SPRY3: variants seen among roughly 807,000 people sequenced by gnomAD.
SPRY3 encodes the protein sprouty RTK signaling antagonist 3, also known as protein sprouty homolog 3.
A neutral mutation model predicts 20.2 loss-of-function variants in SPRY3; 15 were observed. That is an observed-to-expected ratio of 0.74 (90% CI 0.50 to 1.14). The LOEUF is 1.14. SPRY3 is among the 50% of genes most tolerant of loss of function. The pLI is 0.00. For missense variants in SPRY3, 364 were observed against 363.9 expected, an observed-to-expected ratio of 1.00 and a Z score of 0.00; for synonymous variants, 143 against 136.5, an observed-to-expected ratio of 1.05 and a Z score of -0.33.
At chrX:155,776,318 T>C (rs1447736330) in exon 4 of SPRY3, 1 of 167,094 alleles carries the variant, frequency 6.0e-6, no homozygotes, top group African/African-American at 2.4e-5. Context: ...TCTTCGCCAT[T>C]GCATCTACTC....
chrX:155,716,283 T>C (rs957851694), intron 2 of SPRY3, among the ~76,000 whole-genome samples: 2 of 152,202 alleles, frequency 1.3e-5, no homozygotes, highest in African/African-American at 4.8e-5. Context: ...GTTTTTCTTT[T>C]GGGAATCATA....
At chrX:155,620,030 C>G (rs998428921) in intron 1 of SPRY3, among the ~76,000 whole-genome samples, 1 of 111,879 alleles carries the variant, frequency 8.9e-6, no homozygotes, top group Non-Finnish European at 1.9e-5. Context: ...AAGAATGATA[C>G]TACCAAGTGT....
chrX:155,722,074 G>GTT (rs1446286622), intron 2 of SPRY3, among the ~76,000 whole-genome samples: 1 of 152,108 alleles, frequency 6.6e-6, no homozygotes, highest in Non-Finnish European at 1.5e-5. Flanking sequence ...CGGGAACAAA[G>GTT]TTAAGGTATA....
Position 155,774,768 on chromosome X carries a change from C to G in SPRY3, c.*30C>G, listed in dbSNP as rs766238087. The stretch of plus-strand genomic sequence containing the variant: ...CCAACAAGGTGGATCCAGAGCTTTT[C>G]TCCTTCGAGTCCCCAACAGCAAAGC... On this transcript the variant is annotated 3_prime_UTR_variant, in exon 4 of 4. Transcript: ENST00000675360. The G allele has an allele frequency of 6.9e-6, 11 of 1,583,856 alleles. No individual in the cohort carries two copies. In the African/African-American group the frequency reaches 1.1e-4, roughly 16 times the overall value.
chrX:155,753,158 A>ATATTCTCAACG (rs1230137880), intron 2 of SPRY3, among the ~76,000 whole-genome samples: 2 of 151,884 alleles, frequency 1.3e-5, no homozygotes, highest in Non-Finnish European at 2.9e-5. Context: ...AGTTTTTAGT[A>ATATTCTCAACG]TATTCTCAAC....
intron 2 of SPRY3, among the ~76,000 whole-genome samples, chrX:155,710,085 C>G (rs1054345130): frequency 6.6e-5 from 10 of 151,682 alleles, no homozygotes; most frequent in African/African-American, 2.4e-4. Context: ...AATTTGAAGT[C>G]AGGTAATATA....
intron 2 of SPRY3, among the ~76,000 whole-genome samples, chrX:155,717,154 CAAA>C (rs1178558140): frequency 8.2e-6 from 1 of 122,460 alleles, no homozygotes; most frequent in Non-Finnish European, 1.8e-5. Context: ...GTGAGACTGT[CAAA>C]AAAAAAAAAA....
At chrX:155,641,714 T>C (rs1433036679) in intron 1 of SPRY3, among the ~76,000 whole-genome samples, 1 of 115,097 alleles carries the variant, frequency 8.7e-6, no homozygotes, top group East Asian at 2.7e-4. Flanking sequence ...TTTATGACCT[T>C]GCAGCGGCAT....
At chrX:155,659,538 G>A (rs1315473932) in intron 2 of SPRY3, among the ~76,000 whole-genome samples, 1 of 111,081 alleles carries the variant, frequency 9.0e-6, no homozygotes, top group Non-Finnish European at 1.9e-5. Context: ...TTTGGTGTCA[G>A]GGTGATGATG....
rs1247905119 is a variant in SPRY3 at position 155,740,947 on chromosome X, T to G, written c.-281-27015T>G. Among the ~76,000 whole-genome samples, 3 of 152,280 alleles carry G rather than the reference T, an allele frequency of 2.0e-5. No individual in the cohort carries two copies. In the East Asian group the frequency reaches 5.8e-4, roughly 29 times the overall value. On this transcript the variant is annotated intron_variant, in intron 2 of 3. Coordinates refer to ENST00000675360, the Ensembl canonical transcript of SPRY3. ...AGGCCCAGCTGTAAAATTCCTCTGT[T>G]TGTACTCTTTCTCTTTATTTCTCAG...
intron 2 of SPRY3, among the ~76,000 whole-genome samples, chrX:155,710,719 T>C (rs1446712773): frequency 6.6e-6 from 1 of 151,754 alleles, no homozygotes; most frequent in East Asian, 1.9e-4. Context: ...GTGGCAAAAA[T>C]AAGCATCCTT....
chrX:155,740,949 G>T (rs1257458399), intron 2 of SPRY3, among the ~76,000 whole-genome samples: 6 of 152,088 alleles, frequency 3.9e-5, no homozygotes, highest in Admixed American at 3.3e-4. Context: ...TCCTCTGTTT[G>T]TACTCTTTCT....
At chrX:155,757,937 C>A (rs999775380) in intron 2 of SPRY3, among the ~76,000 whole-genome samples, 1 of 152,194 alleles carries the variant, frequency 6.6e-6, no homozygotes, top group Admixed American at 6.5e-5. Flanking sequence ...TTTTCTTCAT[C>A]CACACAGTCC....
chrX:155,719,543 T>C (rs1401985119), intron 2 of SPRY3, among the ~76,000 whole-genome samples: 2 of 151,746 alleles, frequency 1.3e-5, no homozygotes, highest in Non-Finnish European at 2.9e-5. Context: ...GGCTGCACAG[T>C]TGACAGCTCC....
At chrX:155,716,136 T>A (rs185953703) in intron 2 of SPRY3, among the ~76,000 whole-genome samples, 39 of 152,326 alleles carry the variant, frequency 2.6e-4, no homozygotes, top group Admixed American at 4.6e-4. Flanking sequence ...TAGGCTTCTA[T>A]TCCACAATCT....
At chrX:155,698,193 G>GA (rs1311648021) in intron 2 of SPRY3, among the ~76,000 whole-genome samples, 2 of 110,935 alleles carry the variant, frequency 1.8e-5, no homozygotes, top group Non-Finnish European at 3.8e-5. Context: ...CCTTTATCAA[G>GA]AAAAAAACAA....
chrX:155,720,485 C>T (rs1388919729), intron 2 of SPRY3, among the ~76,000 whole-genome samples: 1 of 152,124 alleles, frequency 6.6e-6, no homozygotes, highest in Non-Finnish European at 1.5e-5. Context: ...TATAGCAGGC[C>T]TTGGTCAAGA....
At position 155,671,388 on chromosome X, in the gene SPRY3, T is replaced by A. The variant is rs2068040059; in HGVS notation, c.-282+14363T>A. On this transcript the variant is annotated intron_variant, in intron 2 of 3. Coordinates refer to ENST00000675360, the Ensembl canonical transcript of SPRY3. ...ATTGCTTCTCCCAATGTCCAGGGGATGGGGGTATCTTGAGAGTTGGTATTT... is the reference window on the plus strand; with the variant it reads ...ATTGCTTCTCCCAATGTCCAGGGGAAGGGGGTATCTTGAGAGTTGGTATTT... Among the ~76,000 whole-genome samples the A allele has an allele frequency of 5.4e-5, 6 of 110,432 alleles. No homozygotes were observed. The Admixed American group carries it at 5.8e-4, about 11-fold the overall frequency.
rs866631159 is a variant in SPRY3 at position 155,761,731 on chromosome X, A to G, written c.-281-6231A>G. 3.6e-5 allele frequency among the ~76,000 whole-genome samples: 4 copies of G among 111,064 alleles called. No individual in the cohort carries two copies. The East Asian group carries it at 9.6e-4, about 27-fold the overall frequency. 72.9% of individuals were successfully genotyped at this position (111,064 alleles called of 152,430 possible). On this transcript the variant is annotated intron_variant, in intron 2 of 3. Coordinates refer to ENST00000675360, the Ensembl canonical transcript of SPRY3. ...CAGCACCTATTTTTTTTTTTTTTTT[A>G]CTTTTTAATAGTAGCCATTCTGACT...
Sources: gnomAD v4.1 joint callset for allele counts (sites outside exome capture counted in the v4.1 genomes callset) on GRCh38, gnomAD v4.1.1 for gene constraint, MANE v1.5 for transcripts, NCBI Gene and HGNC (gene_info 2026-07-23, HGNC 2026-07-21) for gene names.